The following PTPRG variants were observed in gnomAD, a reference collection of about 807,000 sequenced individuals.
PTPRG encodes the protein receptor-type tyrosine-protein phosphatase gamma.
A neutral mutation model predicts 165.3 loss-of-function variants in PTPRG; 102 were observed. The observed-to-expected ratio is 0.62, with a 90% confidence interval of 0.53 to 0.73. The LOEUF is 0.73. Among genes scored for constraint, PTPRG ranks in the 30% least tolerant of loss-of-function variants. PTPRG has a pLI of 0.00. For missense variants in PTPRG, 1,866 were observed against 1,861.4 expected (o/e 1.00, Z -0.05); for synonymous variants, 675 against 669.5 (o/e 1.01, Z -0.13).
chr3:61,652,607 T>A (rs199563682), intron 1 of PTPRG, among the ~76,000 whole-genome samples: 3 of 152,080 alleles, frequency 2.0e-5, no homozygotes, highest in Non-Finnish European at 4.4e-5. Flanking sequence ...AATATTGTTG[T>A]TAATGTTTCT....
Position 62,292,466 on chromosome 3 carries a change from G to C in PTPRG, c.4101G>C (p.Leu1367=). ...GAATGTTATGTGCCCTTACCACCCT[G>C]TCCCAGCAACTGGAGAATGAAAATG... ...SAGMLCALTT[L]SQQLENENAV... Residue 1367 remains leucine (L), a synonymous_variant, in exon 29 of 30, where the codon CTG becomes CTC. Transcript: ENST00000474889. 3 of 1,613,376 alleles carry C rather than the reference G, an allele frequency of 1.9e-6. No individual in the cohort carries two copies. The highest frequency in any genetic ancestry group is 2.5e-6 in the Non-Finnish European group (3 of 1,179,688).
At chr3:61,609,623 G>T (rs187586579) in intron 1 of PTPRG, among the ~76,000 whole-genome samples, 1 of 152,112 alleles carries the variant, frequency 6.6e-6, no homozygotes, top group East Asian at 1.9e-4. Flanking sequence ...TCGTGAGGCC[G>T]AGTTGGGTGG....
intron 2 of PTPRG, among the ~76,000 whole-genome samples, chr3:61,853,227 G>T (rs1204033424): frequency 6.6e-6 from 1 of 152,166 alleles, no homozygotes; most frequent in African/African-American, 2.4e-5. Flanking sequence ...AGGTGTGTGC[G>T]AGGTTCAGAA....
chr3:61,645,907 T>A (rs1471655425), intron 1 of PTPRG, among the ~76,000 whole-genome samples: 1 of 152,194 alleles, frequency 6.6e-6, no homozygotes, highest in African/African-American at 2.4e-5. Context: ...TTCTGTTTCT[T>A]AGATCAGGTA....
chr3:61,823,791 T>C lies in PTPRG; in HGVS notation c.190+74809T>C, dbSNP rs138867991. On this transcript the variant is annotated intron_variant, in intron 2 of 29. Transcript: ENST00000474889. ...GGAGAAATGCCTTCATTCTTGGATA[T>C]GTCTGTCCAGCAAATATACTGATAA... Among the ~76,000 whole-genome samples the C allele has an allele frequency of 3.5e-4, 54 of 152,288 alleles. 1 individual carries two copies. In the Middle Eastern group the frequency reaches 0.027, roughly 77 times the overall value.
At chr3:61,929,018 A>G (rs565707694) in intron 2 of PTPRG, among the ~76,000 whole-genome samples, 3 of 152,306 alleles carry the variant, frequency 2.0e-5, no homozygotes, top group Admixed American at 6.5e-5. Context: ...TGAACATCCT[A>G]CAATGCACAA....
At chr3:62,092,100 ACACACACACACACACACACACACACACAC>A (rs1701954387) in intron 5 of PTPRG, among the ~76,000 whole-genome samples, 4 of 145,534 alleles carry the variant, frequency 2.7e-5, no homozygotes, top group African/African-American at 1.0e-4. Flanking sequence ...ACACACACAC[ACACACACACACACACACACACACACACAC>A]AATCTGTAAA....
At chr3:62,053,227 T>C (rs1016356736) in intron 4 of PTPRG, among the ~76,000 whole-genome samples, 3 of 152,034 alleles carry the variant, frequency 2.0e-5, no homozygotes, top group African/African-American at 7.2e-5. Flanking sequence ...ATCAGTAATT[T>C]GTTAGTGATT....
In PTPRG at chr3:62,184,058, G is replaced by A. The variant is rs542608375; in HGVS notation, c.1034-7411G>A. On this transcript the variant is annotated intron_variant, in intron 8 of 29. Coordinates refer to ENST00000474889, the MANE Select transcript of PTPRG (RefSeq NM_002841.4). ...AGTTCTCCATTCTCTTCTCACTCTG[G>A]TTCCTTGGCCCAGCCCAGTAACTTG... Among the ~76,000 whole-genome samples the A allele has an allele frequency of 1.1e-4, 16 of 152,244 alleles. No individual in the cohort carries two copies. The East Asian group carries it at 2.9e-3, about 28-fold the overall frequency.
At chr3:61,976,769 G>A (rs2040516903) in intron 2 of PTPRG, among the ~76,000 whole-genome samples, 2 of 151,742 alleles carry the variant, frequency 1.3e-5, no homozygotes, top group African/African-American at 4.8e-5. Flanking sequence ...CTGCCTCCCT[G>A]GTTCAAGCAA....
chr3:61,975,481 A>G (rs2040482070), intron 2 of PTPRG, among the ~76,000 whole-genome samples: 1 of 152,100 alleles, frequency 6.6e-6, no homozygotes, highest in African/African-American at 2.4e-5. Flanking sequence ...AATATGTTTT[A>G]TTTCTAATGA....
At position 62,213,761 on chromosome 3, in the gene PTPRG, G is replaced by A. The variant is rs1700425496; in HGVS notation, c.2156-5090G>A. On this transcript the variant is annotated intron_variant, in intron 12 of 29. Coordinates refer to ENST00000474889, the MANE Select transcript of PTPRG (RefSeq NM_002841.4). This position sits in a 1 kb window ranked among gnomAD's most constrained non-coding sequence, Gnocchi z 4.4. ...AAGTTTAGCCTCATGGATTGTCGGT[G>A]TCTGAGGGCATATAATGATATGGGT... 6.6e-6 allele frequency among the ~76,000 whole-genome samples: 1 copy of A among 152,184 alleles called. No individual in the cohort carries two copies. The highest frequency in any genetic ancestry group is 1.5e-5 in the Non-Finnish European group (1 of 68,042).
intron 2 of PTPRG, among the ~76,000 whole-genome samples, chr3:61,874,877 G>C (rs180852813): frequency 5.9e-5 from 9 of 152,314 alleles, no homozygotes; most frequent in Admixed American, 1.3e-4. Context: ...CCATGGCATT[G>C]CTCCAGCGTT....
rs546012374 is a variant in PTPRG, at chr3:62,156,664, TTAGAG to T, written c.683-402_683-398del. Among the ~76,000 whole-genome samples the T allele has an allele frequency of 4.1e-3, 630 of 152,266 alleles. 8 individuals are homozygous for T. The highest frequency in any genetic ancestry group is 0.02 in the Admixed American group (300 of 15,290). ...TGATTATCTATCTGTTCATAGATAA[TTAGAG>T]AAGAGTTCTATGATGAAACAAGATT... is the stretch of plus-strand genomic sequence containing the variant. On this transcript the variant is annotated intron_variant, in intron 6 of 29. Coordinates refer to ENST00000474889, the MANE Select transcript of PTPRG (RefSeq NM_002841.4).
intron 1 of PTPRG, among the ~76,000 whole-genome samples, chr3:61,673,093 C>T (rs902020644): frequency 2.0e-5 from 3 of 152,040 alleles, no homozygotes; most frequent in Non-Finnish European, 4.4e-5. Context: ...CCTGGGAAGT[C>T]GAGGCTGTAG....
intron 4 of PTPRG, among the ~76,000 whole-genome samples, chr3:62,074,178 AGAGTGTGTGTGT>A (rs1162081090): frequency 3.1e-5 from 2 of 64,926 alleles, no homozygotes; most frequent in African/African-American, 9.2e-5. Flanking sequence ...AAAAAAAGTG[AGAGTGTGTGTGT>A]GTGTGTGTGT....
chr3:61,595,138 G>A (rs189742888), intron 1 of PTPRG, among the ~76,000 whole-genome samples: 11 of 151,858 alleles, frequency 7.2e-5, no homozygotes, highest in African/African-American at 2.7e-4. Flanking sequence ...AATGAGAGCA[G>A]CAATAATCTC....
At chr3:62,091,833 A>G (rs912447243) in intron 5 of PTPRG, among the ~76,000 whole-genome samples, 2 of 152,012 alleles carry the variant, frequency 1.3e-5, no homozygotes, top group African/African-American at 4.8e-5. Flanking sequence ...ATTCTCTTCT[A>G]TATGGGGCAG....
At chr3:61,749,405 G>T (rs1158169988) in intron 2 of PTPRG, 1 of 280,992 alleles carries the variant, frequency 3.6e-6, no homozygotes, top group South Asian at 3.1e-5. Flanking sequence ...TCTAAGCCAA[G>T]AAATGCAACT....
Sources: allele counts gnomAD v4.1 joint callset (sites outside exome capture counted in the v4.1 genomes callset), GRCh38; gene constraint gnomAD v4.1.1; non-coding constraint Gnocchi (gnomAD v3.1); transcripts MANE v1.5; gene names NCBI Gene and HGNC (gene_info 2026-07-23, HGNC 2026-07-21).